Variants in PPP1R9A observed in about 807,000 individuals in gnomAD.
PPP1R9A encodes neurabin-1.
PPP1R9A carries 59 observed loss-of-function variants against 141.9 expected under a neutral mutation model. The ratio of observed to expected loss-of-function variants is 0.42; its 90% CI spans 0.34 to 0.52. The LOEUF (loss-of-function observed/expected upper bound fraction) is 0.52, where lower values mean the gene tolerates loss of function less well. PPP1R9A is among the 20% of genes least tolerant of loss of function. The pLI is 0.10. For missense variants in PPP1R9A, 1,444 were observed against 1,611.9 expected (o/e 0.90, Z 1.78); for synonymous variants, 500 against 569.7 (o/e 0.88, Z 1.74).
At chr7:95,141,487 C>A (rs1826675462) in intron 4 of PPP1R9A, among the ~76,000 whole-genome samples, 1 of 152,060 alleles carries the variant, frequency 6.6e-6, no homozygotes, top group Non-Finnish European at 1.5e-5. Context: ...CAAAAAGAAA[C>A]CCCAAATCCA....
chr7:95,199,707 A>G (rs961885783), intron 6 of PPP1R9A, among the ~76,000 whole-genome samples: 7 of 152,204 alleles, frequency 4.6e-5, no homozygotes. Context: ...TCCATTTGAA[A>G]TGGCAAGTAT....
At chr7:95,177,407 CA>C (rs1833059074) in intron 5 of PPP1R9A, among the ~76,000 whole-genome samples, 1 of 151,962 alleles carries the variant, frequency 6.6e-6, no homozygotes, top group African/African-American at 2.4e-5. Flanking sequence ...CGCATCAAAA[CA>C]AAATGTCATT....
chr7:95,269,940 T>G (rs1303193233), intron 14 of PPP1R9A, among the ~76,000 whole-genome samples: 1 of 152,216 alleles, frequency 6.6e-6, no homozygotes, highest in Non-Finnish European at 1.5e-5. Flanking sequence ...GGCATATAAT[T>G]GATACTTAAT....
chr7:95,025,386 G>A (rs1485803457), intron 2 of PPP1R9A, among the ~76,000 whole-genome samples: 1 of 152,106 alleles, frequency 6.6e-6, no homozygotes, highest in East Asian at 1.9e-4. Context: ...CTTTAAGAAT[G>A]TTGAATATTG....
chr7:95,220,242 A>T (rs959438905), intron 7 of PPP1R9A, among the ~76,000 whole-genome samples: 8 of 152,108 alleles, frequency 5.3e-5, no homozygotes, highest in African/African-American at 1.9e-4. Context: ...TTAAACATTA[A>T]AATGTGAGTT....
rs561837077 is a variant in PPP1R9A, at chr7:95,031,800, T to C, written c.1396-79459T>C. ...AAAAAGAAAAGTCAATATAGAACCT[T>C]AAATAGTATATAGTTTTTGAAGGAC... On this transcript the variant is annotated intron_variant, in intron 2 of 19. Transcript: ENST00000433360. 7.2e-5 allele frequency among the ~76,000 whole-genome samples: 11 copies of C among 152,056 alleles called. No individual in the cohort carries two copies. The South Asian group carries it at 2.3e-3, about 32-fold the overall frequency.
intron 2 of PPP1R9A, among the ~76,000 whole-genome samples, chr7:94,981,973 C>G (rs1359722236): frequency 6.6e-6 from 1 of 151,236 alleles, no homozygotes; most frequent in East Asian, 1.9e-4. Context: ...ATCCCTCCCC[C>G]AACCCCCCAC....
intron 2 of PPP1R9A, among the ~76,000 whole-genome samples, chr7:95,003,894 G>C (rs996990493): frequency 3.3e-5 from 5 of 152,164 alleles, no homozygotes; most frequent in Admixed American, 1.3e-4. Context: ...AAGAAAAGGA[G>C]TGACCTGTAG....
chr7:94,964,040 T>A (rs1337921981), intron 2 of PPP1R9A, among the ~76,000 whole-genome samples: 1 of 152,124 alleles, frequency 6.6e-6, no homozygotes, highest in Non-Finnish European at 1.5e-5. Context: ...GACTAAATTG[T>A]TTATTGTGCG....
chr7:95,254,632 A>G (rs1159317158), intron 12 of PPP1R9A, among the ~76,000 whole-genome samples: 3 of 152,186 alleles, frequency 2.0e-5, no homozygotes, highest in Admixed American at 2.0e-4. Flanking sequence ...TTAGGCATTG[A>G]GGTAGCTCAT....
At chr7:94,996,155 T>C (rs1802142231) in intron 2 of PPP1R9A, among the ~76,000 whole-genome samples, 2 of 152,160 alleles carry the variant, frequency 1.3e-5, no homozygotes, top group Non-Finnish European at 1.5e-5. Flanking sequence ...CTCTAACTTA[T>C]GCTATACAAA....
At chr7:95,227,154 T>C (rs1795252087) in intron 8 of PPP1R9A, among the ~76,000 whole-genome samples, 1 of 152,176 alleles carries the variant, frequency 6.6e-6, no homozygotes, top group Non-Finnish European at 1.5e-5. Context: ...CCAAAGAATA[T>C]AAGTTATCAA....
chr7:95,216,967 C>G (rs1451588856), intron 7 of PPP1R9A, among the ~76,000 whole-genome samples: 5 of 152,116 alleles, frequency 3.3e-5, no homozygotes, highest in African/African-American at 4.8e-5. Flanking sequence ...ATTTCTTTCT[C>G]CTGCCTGATT....
In PPP1R9A at chr7:95,180,303, G is replaced by A. The variant is rs144804635; in HGVS notation, c.1755-18046G>A. Reference sequence around the variant, plus strand: ...GACACCCTTTTTAACAAATGGTGCTGGGATACAGATTGGCTAGCTACCTGT... The same window carrying A: ...GACACCCTTTTTAACAAATGGTGCTAGGATACAGATTGGCTAGCTACCTGT... On this transcript the variant is annotated intron_variant, in intron 5 of 19. Coordinates refer to ENST00000433360, the MANE Select transcript of PPP1R9A (RefSeq NM_001166160.2). 9.4e-3 allele frequency among the ~76,000 whole-genome samples: 1,427 copies of A among 152,216 alleles called. 30 individuals are homozygous for A. Among genetic ancestry groups the A allele is most frequent in the African/African-American group, 0.032 (1,331 of 41,534 alleles).
At chr7:95,249,774 T>C (rs1347646132) in intron 9 of PPP1R9A, among the ~76,000 whole-genome samples, 4 of 152,182 alleles carry the variant, frequency 2.6e-5, no homozygotes, top group African/African-American at 7.2e-5. Context: ...GATGGAAATA[T>C]CGTGTGAGGT....
At position 95,230,524 on chromosome 7, in the gene PPP1R9A, G is replaced by T. The variant is rs140587540; in HGVS notation, c.2112+4408G>T. 7.0e-3 allele frequency among the ~76,000 whole-genome samples: 1,067 copies of T among 152,038 alleles called. 27 individuals are homozygous for T. The highest frequency in any genetic ancestry group is 0.039 in the Admixed American group (601 of 15,250). ...ACACAAATGCAAAATGCACTGGAAG[G>T]TCTCAGCAGTAGAATCAAACAAGCA... is the stretch of plus-strand genomic sequence containing the variant. On this transcript the variant is annotated intron_variant, in intron 8 of 19. Coordinates refer to ENST00000433360, the MANE Select transcript of PPP1R9A (RefSeq NM_001166160.2).
At chr7:95,036,920 A>G (rs1222708369) in intron 2 of PPP1R9A, 1 of 152,140 alleles carries the variant, frequency 6.6e-6, no homozygotes, top group Non-Finnish European at 1.5e-5. Flanking sequence ...TCTTCCATTC[A>G]TGCTTAAGTT....
At chr7:95,114,995 A>C (rs111266416) in intron 3 of PPP1R9A, among the ~76,000 whole-genome samples, 2 of 152,190 alleles carry the variant, frequency 1.3e-5, no homozygotes, top group African/African-American at 4.8e-5. Flanking sequence ...GAAAAGCAAA[A>C]AATGGACCTG....
chr7:95,136,512 G>C (rs1563291808), intron 4 of PPP1R9A, among the ~76,000 whole-genome samples: 1 of 152,172 alleles, frequency 6.6e-6, no homozygotes, highest in Non-Finnish European at 1.5e-5. Flanking sequence ...TTAAGGTCAT[G>C]TAACATTTAG....
Sources: allele counts gnomAD v4.1 joint callset (sites outside exome capture counted in the v4.1 genomes callset), GRCh38; gene constraint gnomAD v4.1.1; transcripts MANE v1.5; gene names NCBI Gene and HGNC (gene_info 2026-07-23, HGNC 2026-07-21).